Variants in PXDNL observed in about 807,000 individuals in gnomAD.
The protein encoded by PXDNL is probable oxidoreductase PXDNL.
In PXDNL, 145 loss-of-function variants were observed where a neutral mutation model predicts 150.8. That is an observed-to-expected ratio of 0.96 (90% CI 0.84 to 1.10). The LOEUF (loss-of-function observed/expected upper bound fraction) is 1.10. Ranked by LOEUF, PXDNL falls within the 50% of genes least tolerant of loss-of-function variation. The pLI is 0.00. For synonymous variants in PXDNL, 757 were observed against 725.7 expected (o/e 1.04, Z -0.69); for missense variants, 2,087 against 1,873.9 (o/e 1.11, Z -2.10).
intron 7 of PXDNL, 141 bp from the exon 8 acceptor site, chr8:51,472,445 A>T: frequency 3.4e-6 from 2 of 595,830 alleles, no homozygotes; most frequent in Non-Finnish European, 5.9e-6. Context: ...CCGGTAATAC[A>T]TGTACCAGGT....
chr8:51,651,277 T>C (rs533226310), intron 2 of PXDNL, among the ~76,000 whole-genome samples: 58 of 152,164 alleles, frequency 3.8e-4, no homozygotes, highest in Non-Finnish European at 8.2e-4. Flanking sequence ...TAAACACACA[T>C]AGATGAGTGT....
At chr8:51,332,386 A>T (rs1262337671) in intron 21 of PXDNL, among the ~76,000 whole-genome samples, 1 of 152,200 alleles carries the variant, frequency 6.6e-6, no homozygotes, top group African/African-American at 2.4e-5. Context: ...AAGGAACCAG[A>T]AAACCAACCC....
chr8:51,784,368 G>C (rs187319879), intron 1 of PXDNL, among the ~76,000 whole-genome samples: 2 of 152,052 alleles, frequency 1.3e-5, no homozygotes, highest in African/African-American at 4.8e-5. Flanking sequence ...TTGTTTTTAC[G>C]AATTCTTAAG....
intron 3 of PXDNL, among the ~76,000 whole-genome samples, chr8:51,559,164 T>C (rs929678941): frequency 6.6e-6 from 1 of 151,938 alleles, no homozygotes; most frequent in African/African-American, 2.4e-5. Context: ...TTTATAATTC[T>C]CAAGTTGTTA....
chr8:51,575,209 T>C (rs908496999), intron 3 of PXDNL, among the ~76,000 whole-genome samples: 3 of 151,950 alleles, frequency 2.0e-5, no homozygotes, highest in African/African-American at 7.2e-5. Flanking sequence ...AAATTATGTA[T>C]ATGTATTTAA....
rs1430128278 is a variant in PXDNL at position 51,374,629 on chromosome 8, A to G, written c.3660T>C (p.Val1220=). The change falls in exon 18 of 23, where the codon GTT becomes GTC. Residue 1220 remains valine (V), a synonymous_variant. Coordinates refer to ENST00000356297, the MANE Select transcript of PXDNL (RefSeq NM_144651.5). ...CATCTCTTAGCCGCTGAAACTGGGT[A>G]ACAAACAGGCACATAAGTGTTGGTC... ...RVGPTLMCLF[V]TQFQRLRDGD... is the part of the protein sequence containing the mutation. The G allele has an allele frequency of 6.2e-7, 1 of 1,613,838 alleles. No individual in the cohort carries two copies. Among genetic ancestry groups the G allele is most frequent in the Non-Finnish European group, 8.5e-7 (1 of 1,179,874 alleles).
At chr8:51,605,448 C>G (rs1347228791) in intron 2 of PXDNL, among the ~76,000 whole-genome samples, 1 of 151,288 alleles carries the variant, frequency 6.6e-6, no homozygotes, top group Non-Finnish European at 1.5e-5. Context: ...AATCTGAATT[C>G]AAAAATATGA....
intron 5 of PXDNL, among the ~76,000 whole-genome samples, chr8:51,494,974 T>TCA (rs1811009174): frequency 6.6e-6 from 1 of 152,078 alleles, no homozygotes; most frequent in Admixed American, 6.6e-5. Context: ...CAACAGAATA[T>TCA]ACATTCTTTT....
At chr8:51,610,449 TAATA>T (rs1265364006) in intron 2 of PXDNL, among the ~76,000 whole-genome samples, 1 of 152,228 alleles carries the variant, frequency 6.6e-6, no homozygotes, top group Non-Finnish European at 1.5e-5. Flanking sequence ...CTACCAGTAT[TAATA>T]GATAGACCTT....
chr8:51,640,728 T>C lies in PXDNL; in HGVS notation c.236+13961A>G, dbSNP rs1752122797. ...GAGGATACAAAGAAACGGAAGAACA[T>C]TCCATGCTCATGGGTAGGAAGAATC... is the stretch of plus-strand genomic sequence containing the variant. On this transcript the variant is annotated intron_variant, in intron 2 of 22. Coordinates refer to ENST00000356297, the MANE Select transcript of PXDNL (RefSeq NM_144651.5). 2.0e-5 allele frequency among the ~76,000 whole-genome samples: 3 copies of C among 152,246 alleles called. No individual in the cohort carries two copies. In the South Asian group the frequency reaches 6.2e-4, roughly 32 times the overall value.
intron 12 of PXDNL, among the ~76,000 whole-genome samples, chr8:51,438,428 AGTCACCAATAAAGCATGGAACT>A (rs1809459258): frequency 6.6e-6 from 1 of 152,232 alleles, no homozygotes; most frequent in African/African-American, 2.4e-5. Context: ...ATAAGGTCAT[AGTCACCAATAAAGCATGGAACT>A]GTTATAAAAA....
chr8:51,502,916 A>G (rs1429234834), intron 4 of PXDNL, among the ~76,000 whole-genome samples: 4 of 152,324 alleles, frequency 2.6e-5, no homozygotes, highest in East Asian at 1.9e-4. Context: ...AGAATAACAT[A>G]CAACAGTTTA....
At chr8:51,402,695 G>A (rs183713477) in intron 17 of PXDNL, among the ~76,000 whole-genome samples, 1 of 152,220 alleles carries the variant, frequency 6.6e-6, no homozygotes, top group East Asian at 1.9e-4. Context: ...GGCCTCTCTG[G>A]AAATTTATGT....
In PXDNL at chr8:51,345,907, C is replaced by T. The variant is rs2130701621; in HGVS notation, c.3942G>A (p.Glu1314=). ...SRGQFRAVTQ[E]SQKKRSAQYS... is the part of the protein sequence containing the mutation. ...ATTGAGCTGAGCGTTTCTTTTGAGA[C>T]TCTTGCGTCACTGCTCTGAACTGTC... Residue 1314 remains glutamate (E), a synonymous_variant, in exon 20 of 23, where the codon GAG becomes GAA. Coordinates refer to ENST00000356297, the MANE Select transcript of PXDNL (RefSeq NM_144651.5). 1 of 1,613,786 alleles carries T rather than the reference C, an allele frequency of 6.2e-7. No homozygotes were observed. The highest frequency in any genetic ancestry group is 8.5e-7 in the Non-Finnish European group (1 of 1,179,722).
At chr8:51,450,897 G>C (rs186694419) in intron 10 of PXDNL, among the ~76,000 whole-genome samples, 1 of 152,172 alleles carries the variant, frequency 6.6e-6, no homozygotes, top group East Asian at 1.9e-4. Context: ...TCAACCCCCA[G>C]CCTGATGTTC....
At chr8:51,322,736 A>C (rs1011035330) in intron 21 of PXDNL, among the ~76,000 whole-genome samples, 1 of 152,230 alleles carries the variant, frequency 6.6e-6, no homozygotes, top group African/African-American at 2.4e-5. Context: ...TTAGAAAGCA[A>C]AAAGTCTTGA....
chr8:51,401,917 C>T (rs546549389), intron 17 of PXDNL, among the ~76,000 whole-genome samples: 1 of 152,096 alleles, frequency 6.6e-6, no homozygotes, highest in African/African-American at 2.4e-5. Flanking sequence ...GATGCAAGGT[C>T]TTTAAAGGCT....
intron 19 of PXDNL, among the ~76,000 whole-genome samples, chr8:51,358,990 G>A (rs1208866781): frequency 1.3e-5 from 2 of 152,146 alleles, no homozygotes; most frequent in Admixed American, 6.5e-5. Flanking sequence ...CCCTCAGAGT[G>A]TGCAGTGTGT....
chr8:51,363,305 G>T (rs1016847239), intron 19 of PXDNL, among the ~76,000 whole-genome samples: 2 of 151,358 alleles, frequency 1.3e-5, no homozygotes, highest in Non-Finnish European at 2.9e-5. Flanking sequence ...ATTAGTGAAG[G>T]TACTGTAACA....
Sources: gnomAD v4.1 joint callset for allele counts (sites outside exome capture counted in the v4.1 genomes callset) on GRCh38, gnomAD v4.1.1 for gene constraint, MANE v1.5 for transcripts, NCBI Gene and HGNC (gene_info 2026-07-23, HGNC 2026-07-21) for gene names.